LRP1B: variants seen among roughly 807,000 people sequenced by gnomAD.
The protein encoded by LRP1B is low-density lipoprotein receptor-related protein 1B.
Under a neutral mutation model 556.6 loss-of-function variants are expected in LRP1B, and 217 were observed. That is an observed-to-expected ratio of 0.39 (90% CI 0.35 to 0.44). LRP1B has a LOEUF of 0.44. Among genes scored for constraint, LRP1B ranks in the 20% least tolerant of loss-of-function variants. The pLI is 1.00. For synonymous variants in LRP1B, 2,047 were observed against 1,865.8 expected (o/e 1.10, Z -2.50); for missense variants, 5,053 against 5,620.8 (o/e 0.90, Z 3.23).
chr2:141,988,998 T>C (rs1428218191), intron 1 of LRP1B, among the ~76,000 whole-genome samples: 2 of 152,066 alleles, frequency 1.3e-5, no homozygotes, highest in African/African-American at 2.4e-5. Context: ...CTATCAGTAA[T>C]ACCAAACTAA....
chr2:140,989,691 A>C, intron 16 of LRP1B, 34 bp from the exon 17 acceptor site: 1 of 1,605,294 alleles, frequency 6.2e-7, no homozygotes, highest in South Asian at 1.1e-5. Context: ...TTAATTATTT[A>C]AAATTGGATA....
chr2:141,010,111 A>G (rs1038229473), intron 14 of LRP1B, among the ~76,000 whole-genome samples: 2 of 152,078 alleles, frequency 1.3e-5, no homozygotes, highest in Admixed American at 1.3e-4. Context: ...TAGTTAATAA[A>G]TGTCTTCTAT....
intron 2 of LRP1B, among the ~76,000 whole-genome samples, chr2:141,742,185 G>A (rs1019108922): frequency 2.0e-5 from 3 of 149,522 alleles, no homozygotes; most frequent in Non-Finnish European, 3.0e-5. Flanking sequence ...TGCCATCGTA[G>A]TTACTATAGC....
At chr2:140,498,697 G>A (rs980815498) in intron 55 of LRP1B, among the ~76,000 whole-genome samples, 2 of 151,798 alleles carry the variant, frequency 1.3e-5, no homozygotes, top group Admixed American at 6.6e-5. Flanking sequence ...ATTTTGCAAC[G>A]TGGTAGAAGC....
chr2:141,862,225 A>G (rs571501485), intron 1 of LRP1B, among the ~76,000 whole-genome samples: 1 of 152,280 alleles, frequency 6.6e-6, no homozygotes, highest in South Asian at 2.1e-4. Flanking sequence ...TTGTAAGCCT[A>G]CACCACCATA....
At chr2:141,768,043 C>A (rs1165520595) in intron 2 of LRP1B, among the ~76,000 whole-genome samples, 2 of 152,080 alleles carry the variant, frequency 1.3e-5, no homozygotes, top group Non-Finnish European at 2.9e-5. Flanking sequence ...AGATGCTTAT[C>A]CCAGTATATT....
chr2:141,265,118 T>C (rs1684838934), intron 3 of LRP1B, among the ~76,000 whole-genome samples: 1 of 152,150 alleles, frequency 6.6e-6, no homozygotes, highest in Non-Finnish European at 1.5e-5. Flanking sequence ...CAGGAGTCAA[T>C]GGCTGAAACC....
intron 20 of LRP1B, among the ~76,000 whole-genome samples, chr2:140,941,144 T>C (rs959401756): frequency 6.6e-6 from 1 of 152,118 alleles, no homozygotes; most frequent in Admixed American, 6.6e-5. Flanking sequence ...AAAAAGCGGG[T>C]ATAAATTAAT....
intron 83 of LRP1B, among the ~76,000 whole-genome samples, chr2:140,300,500 G>A (rs562189067): frequency 6.6e-6 from 1 of 152,268 alleles, no homozygotes; most frequent in East Asian, 1.9e-4. Context: ...TAGCAGCGAT[G>A]CATCCAGGGA....
rs1305766550 is a variant in LRP1B, at chr2:141,105,266, T to C, written c.1014-42993A>G. On this transcript the variant is annotated intron_variant, in intron 7 of 90. Transcript: ENST00000389484. ...ATATGGATTTTATATATCCAGTTAA[T>C]GTCTGATTTCAATCAACTTAGATAC... 2.0e-5 allele frequency among the ~76,000 whole-genome samples: 3 copies of C among 152,174 alleles called. No homozygotes were observed. In the East Asian group the frequency reaches 5.8e-4, roughly 29 times the overall value.
At chr2:140,979,217 G>A (rs988555198) in intron 18 of LRP1B, among the ~76,000 whole-genome samples, 8 of 152,160 alleles carry the variant, frequency 5.3e-5, no homozygotes, top group Non-Finnish European at 1.2e-4. Context: ...GGCCTCAAGC[G>A]ATCTGCTCAT....
chr2:141,641,509 T>C (rs1689333757), intron 2 of LRP1B, among the ~76,000 whole-genome samples: 1 of 152,202 alleles, frequency 6.6e-6, no homozygotes, highest in African/African-American at 2.4e-5. Flanking sequence ...TTAAAACATA[T>C]AAAGTTGACT....
At chr2:140,462,958 A>G (rs140633132) in intron 60 of LRP1B, among the ~76,000 whole-genome samples, 1 of 152,196 alleles carries the variant, frequency 6.6e-6, no homozygotes, top group Non-Finnish European at 1.5e-5. Flanking sequence ...ATAAGAGCAC[A>G]ATGAGATGTG....
At chr2:141,475,624 T>C (rs1258197285) in intron 3 of LRP1B, among the ~76,000 whole-genome samples, 1 of 151,976 alleles carries the variant, frequency 6.6e-6, no homozygotes, top group African/African-American at 2.4e-5. Flanking sequence ...CCCCCTATCC[T>C]GTACCCATAT....
At chr2:141,759,778 C>A (rs928027423) in intron 2 of LRP1B, among the ~76,000 whole-genome samples, 4 of 152,096 alleles carry the variant, frequency 2.6e-5, no homozygotes, top group Non-Finnish European at 5.9e-5. Context: ...ATGTTTAGAT[C>A]TTTGAGGGGG....
chr2:141,096,623 A>G (rs1176780285), intron 7 of LRP1B, among the ~76,000 whole-genome samples: 2 of 37,370 alleles, frequency 5.4e-5, no homozygotes, highest in African/African-American at 1.6e-4. Flanking sequence ...AAAGACGGGG[A>G]GAGGGGGAGA....
At chr2:140,815,704 C>A (rs978183642) in intron 31 of LRP1B, among the ~76,000 whole-genome samples, 2 of 151,994 alleles carry the variant, frequency 1.3e-5, no homozygotes, top group African/African-American at 4.8e-5. Context: ...TCCATATGTA[C>A]GTGATTCTAC....
intron 80 of LRP1B, among the ~76,000 whole-genome samples, chr2:140,325,101 G>A (rs1573793606): frequency 6.6e-6 from 1 of 151,874 alleles, no homozygotes; most frequent in Admixed American, 6.6e-5. Flanking sequence ...GTTGAAGTAG[G>A]GAAAAGAAAG....
intron 53 of LRP1B, among the ~76,000 whole-genome samples, chr2:140,505,831 T>C (rs1689384975): frequency 6.6e-6 from 1 of 152,188 alleles, no homozygotes; most frequent in Non-Finnish European, 1.5e-5. Flanking sequence ...TATATAAAGT[T>C]CACAGCTTTT....
Sources: allele counts gnomAD v4.1 joint callset (sites outside exome capture counted in the v4.1 genomes callset), GRCh38; gene constraint gnomAD v4.1.1; transcripts MANE v1.5; gene names NCBI Gene and HGNC (gene_info 2026-07-23, HGNC 2026-07-21).